PACRG: variants seen among roughly 807,000 people sequenced by gnomAD.
PACRG encodes parkin coregulated, also known as parkin coregulated gene protein.
A neutral mutation model predicts 29.7 loss-of-function variants in PACRG; 29 were observed. The observed-to-expected ratio is 0.98, with a 90% CI of 0.73 to 1.33. The LOEUF (loss-of-function observed/expected upper bound fraction) is 1.33. PACRG is among the 40% of genes most tolerant of loss of function. The pLI is 0.00. For synonymous variants in PACRG, 116 were observed against 118.7 expected (o/e 0.98, Z 0.15); for missense variants, 279 against 316.2 (o/e 0.88, Z 0.89).
intron 2 of PACRG, among the ~76,000 whole-genome samples, chr6:162,983,273 C>T (rs977652536): frequency 5.3e-5 from 8 of 151,994 alleles, no homozygotes; most frequent in African/African-American, 1.9e-4. Context: ...CATTCTGTAT[C>T]TTTTAAGTGG....
At chr6:163,187,165 A>G (rs1779979368) in intron 4 of PACRG, among the ~76,000 whole-genome samples, 1 of 152,240 alleles carries the variant, frequency 6.6e-6, no homozygotes, top group Admixed American at 6.5e-5. Flanking sequence ...TGTATGTGAT[A>G]CAACACCTGA....
chr6:163,266,471 G>A (rs554173913), intron 4 of PACRG, among the ~76,000 whole-genome samples: 1 of 152,304 alleles, frequency 6.6e-6, no homozygotes, highest in Non-Finnish European at 1.5e-5. Flanking sequence ...GTGTTGTCAG[G>A]ACAGGGATGG....
chr6:162,973,820 A>G (rs1247819105), intron 2 of PACRG, among the ~76,000 whole-genome samples: 1 of 152,160 alleles, frequency 6.6e-6, no homozygotes, highest in Admixed American at 6.6e-5. Context: ...CTTTTGCAGA[A>G]TAATAAAAAT....
At chr6:163,296,171 C>G (rs982112878) in intron 4 of PACRG, among the ~76,000 whole-genome samples, 1 of 152,144 alleles carries the variant, frequency 6.6e-6, no homozygotes, top group South Asian at 2.1e-4. Context: ...TTATAGTGGT[C>G]AGGTTTTTGG....
At chr6:162,746,161 T>C (rs1175445403) in intron 1 of PACRG, among the ~76,000 whole-genome samples, 1 of 152,176 alleles carries the variant, frequency 6.6e-6, no homozygotes, top group Admixed American at 6.5e-5. Flanking sequence ...GAAATATATT[T>C]CACAGGTTGT....
intron 2 of PACRG, among the ~76,000 whole-genome samples, chr6:162,976,759 C>A (rs1197207076): frequency 6.6e-6 from 1 of 151,932 alleles, no homozygotes; most frequent in Non-Finnish European, 1.5e-5. Context: ...ATCACACACA[C>A]AATGGATGAC....
chr6:162,785,935 C>G (rs549297707), intron 1 of PACRG, among the ~76,000 whole-genome samples: 1 of 152,312 alleles, frequency 6.6e-6, no homozygotes, highest in African/African-American at 2.4e-5. Flanking sequence ...GTGCACAAGG[C>G]TGCCCCCTCC....
chr6:162,740,690 C>T (rs1336152116), intron 1 of PACRG, among the ~76,000 whole-genome samples: 1 of 151,158 alleles, frequency 6.6e-6, no homozygotes. Context: ...ACCTCTGCCC[C>T]CTGGGTTCAA....
intron 4 of PACRG, among the ~76,000 whole-genome samples, chr6:163,280,950 A>C (rs932530108): frequency 6.6e-6 from 1 of 152,176 alleles, no homozygotes; most frequent in African/African-American, 2.4e-5. Flanking sequence ...AAATGATGTC[A>C]TGAGAAGTAG....
chr6:163,289,113 A>G (rs1056861962), intron 4 of PACRG, among the ~76,000 whole-genome samples: 13 of 152,116 alleles, frequency 8.5e-5, no homozygotes, highest in African/African-American at 2.4e-4. Flanking sequence ...AACCACACCA[A>G]CAAATTTGGA....
In PACRG at chr6:162,803,917, A is replaced by G. The variant is rs530335092; in HGVS notation, c.157-10230A>G. Reference sequence around the variant, plus strand: ...TAATATAAAACATCATATGCCTGGAATATTTATACAATGTAATTACAATAG... The same window carrying G: ...TAATATAAAACATCATATGCCTGGAGTATTTATACAATGTAATTACAATAG... On this transcript the variant is annotated intron_variant, in intron 1 of 4. Coordinates refer to ENST00000366888, the MANE Select transcript of PACRG (RefSeq NM_001080379.2). Among the ~76,000 whole-genome samples, 12 of 152,324 alleles carry G rather than the reference A, an allele frequency of 7.9e-5. 1 individual carries two copies. The highest frequency in any genetic ancestry group is 2.9e-4 in the African/African-American group (12 of 41,598).
At position 162,903,184 on chromosome 6, in the gene PACRG, G is replaced by A. The variant is rs193053101; in HGVS notation, c.291+88903G>A. Among the ~76,000 whole-genome samples the A allele has an allele frequency of 5.8e-3, 889 of 152,234 alleles. 13 individuals are homozygous for A. Among genetic ancestry groups the A allele is most frequent in the Non-Finnish European group, 6.0e-3 (408 of 68,030 alleles). On this transcript the variant is annotated intron_variant, in intron 2 of 4. Coordinates refer to ENST00000366888, the MANE Select transcript of PACRG (RefSeq NM_001080379.2). Reference sequence around the variant, plus strand: ...ACAGTTTGTTGTCAGGTTTTAGGTAGTAATACTAGAATCAGACCCACCCCC... The same window carrying A: ...ACAGTTTGTTGTCAGGTTTTAGGTAATAATACTAGAATCAGACCCACCCCC...
chr6:163,310,534 A>G (rs1785372350), intron 4 of PACRG: 1 of 152,176 alleles, frequency 6.6e-6, no homozygotes, highest in Non-Finnish European at 1.5e-5. Flanking sequence ...GCCACGACCC[A>G]CGGCGTTCTG....
chr6:162,907,916 A>G (rs1157331296), intron 2 of PACRG, among the ~76,000 whole-genome samples: 6 of 152,152 alleles, frequency 3.9e-5, no homozygotes. Flanking sequence ...TGCCATCTTC[A>G]AGGTATTTGC....
intron 4 of PACRG, among the ~76,000 whole-genome samples, chr6:163,215,657 A>T (rs558173404): frequency 4.3e-4 from 66 of 152,352 alleles, no homozygotes; most frequent in African/African-American, 1.5e-3. Context: ...AGGTAGCCAC[A>T]TGCATGACTG....
chr6:162,762,398 T>C (rs1201572225), intron 1 of PACRG, among the ~76,000 whole-genome samples: 1 of 152,256 alleles, frequency 6.6e-6, no homozygotes, highest in Non-Finnish European at 1.5e-5. Flanking sequence ...TCATCTATGA[T>C]GGATGGCTTA....
chr6:162,894,121 G>A (rs1794986436), intron 2 of PACRG, among the ~76,000 whole-genome samples: 1 of 152,138 alleles, frequency 6.6e-6, no homozygotes, highest in Non-Finnish European at 1.5e-5. Flanking sequence ...CTGAGACCTG[G>A]AGTGGGACAC....
intron 4 of PACRG, chr6:163,312,809 G>C (rs1785481908): frequency 9.2e-6 from 4 of 435,418 alleles, no homozygotes; most frequent in South Asian, 6.5e-5. Flanking sequence ...CTGGAGTGCA[G>C]TGGCGCGATC....
chr6:163,267,607 C>A (rs1479402366), intron 4 of PACRG, among the ~76,000 whole-genome samples: 1 of 152,168 alleles, frequency 6.6e-6, no homozygotes, highest in African/African-American at 2.4e-5. Flanking sequence ...TTACAGATGA[C>A]CTGCCTCAAA....
Sources: allele counts gnomAD v4.1 joint callset (sites outside exome capture counted in the v4.1 genomes callset), GRCh38; gene constraint gnomAD v4.1.1; transcripts MANE v1.5; gene names NCBI Gene and HGNC (gene_info 2026-07-23, HGNC 2026-07-21).